The following SLC25A26 variants were observed in gnomAD, a reference collection of about 807,000 sequenced individuals.
The protein encoded by SLC25A26 is solute carrier family 25 member 26.
Under a neutral mutation model 37.8 loss-of-function variants are expected in SLC25A26, and 36 were observed. That is an observed-to-expected ratio of 0.95 (90% confidence interval 0.73 to 1.26). The LOEUF is 1.26. Ranked by LOEUF, SLC25A26 falls within the 50% of genes most tolerant of loss-of-function variation. The pLI, the probability that SLC25A26 is intolerant of heterozygous loss-of-function variation, is 0.00. For synonymous variants in SLC25A26, 129 were observed against 122.5 expected, an observed-to-expected ratio of 1.05 and a Z score of -0.35; for missense variants, 390 against 331.1, an observed-to-expected ratio of 1.18 and a Z score of -1.38.
intron 5 of SLC25A26, among the ~76,000 whole-genome samples, chr3:66,328,954 T>G (rs531929337): frequency 6.7e-4 from 102 of 152,326 alleles, no homozygotes; most frequent in Non-Finnish European, 9.4e-4. Context: ...ATCCAAAATA[T>G]GTGCCACCTA....
intron 6 of SLC25A26, among the ~76,000 whole-genome samples, chr3:66,360,808 A>G (rs1325649825): frequency 1.3e-5 from 2 of 152,216 alleles, no homozygotes; most frequent in African/African-American, 2.4e-5. Context: ...AAAACCCCTC[A>G]ACATTAACAA....
chr3:66,158,488 T>TTG (rs2070313804), intron 1 of SLC25A26, among the ~76,000 whole-genome samples: 2 of 152,188 alleles, frequency 1.3e-5, no homozygotes, highest in Non-Finnish European at 2.9e-5. Context: ...AATTGCTGGG[T>TTG]CATACATTAA....
At chr3:66,241,883 A>G (rs1467330904) in intron 2 of SLC25A26, among the ~76,000 whole-genome samples, 2 of 151,380 alleles carry the variant, frequency 1.3e-5, no homozygotes, top group African/African-American at 2.4e-5. Flanking sequence ...CTTAGTCCCT[A>G]TTTTGAAGGG....
At chr3:66,184,585 C>CTGCGCACCTTGAGTTTACTATGTATTACA (rs2070779348) in intron 1 of SLC25A26, among the ~76,000 whole-genome samples, 1 of 128,136 alleles carries the variant, frequency 7.8e-6, no homozygotes, top group African/African-American at 2.9e-5. Flanking sequence ...TCACCTGACT[C>CTGCGCACCTTGAGTTTACTATGTATTACA]TGCTCACCTT....
intron 1 of SLC25A26, among the ~76,000 whole-genome samples, chr3:66,186,766 C>T (rs2070836549): frequency 6.6e-6 from 1 of 152,040 alleles, no homozygotes; most frequent in African/African-American, 2.4e-5. Flanking sequence ...GACCTTCACA[C>T]TGAACTGACA....
At position 66,236,484 on chromosome 3, in the gene SLC25A26, G is replaced by A. The variant is rs144534960; in HGVS notation, c.34-60G>A. The A allele has an allele frequency of 2.0e-3, 2,669 of 1,367,676 alleles. 37 individuals are homozygous for A. In the East Asian group the frequency reaches 0.029, roughly 15 times the overall value. 84.7% of individuals were successfully genotyped at this position (1,367,676 alleles called of 1,614,324 possible). A position where few individuals can be genotyped will look rare whatever the true frequency, so the allele number is the denominator to read the frequency against. On this transcript the variant is annotated intron_variant, in intron 1 of 9. Coordinates refer to ENST00000354883, the MANE Select transcript of SLC25A26 (RefSeq NM_001379210.1). ...TTCCTATCTTCGCCCCCAAGTGGCC[G>A]AGAGCTTATTTTGTTGTAACCTTTT...
At chr3:66,168,175 ATGTGTGTG>A (rs1164107532) in intron 1 of SLC25A26, among the ~76,000 whole-genome samples, 1 of 59,262 alleles carries the variant, frequency 1.7e-5, no homozygotes, top group African/African-American at 1.1e-4. Context: ...ATATATATAT[ATGTGTGTG>A]TGTATATATA....
intron 7 of SLC25A26, among the ~76,000 whole-genome samples, chr3:66,364,641 G>T (rs920981210): frequency 7.9e-5 from 12 of 152,276 alleles, no homozygotes; most frequent in African/African-American, 2.4e-4. Flanking sequence ...TGTATGGTCA[G>T]TACTCTGTAC....
chr3:66,344,265 C>G (rs758430075), intron 5 of SLC25A26, among the ~76,000 whole-genome samples: 33 of 152,216 alleles, frequency 2.2e-4, no homozygotes, highest in Middle Eastern at 6.8e-3. Flanking sequence ...GAGTTCGAGA[C>G]CAGCCTGGCT....
chr3:66,225,665 T>C (rs912809337), intron 1 of SLC25A26, among the ~76,000 whole-genome samples: 2 of 152,180 alleles, frequency 1.3e-5, no homozygotes, highest in Non-Finnish European at 2.9e-5. Context: ...GGGTTTTTCT[T>C]TTTTACCGCA....
At chr3:66,208,705 C>T (rs1447041067) in intron 1 of SLC25A26, among the ~76,000 whole-genome samples, 8 of 132,754 alleles carry the variant, frequency 6.0e-5, no homozygotes, top group Non-Finnish European at 1.1e-4. Context: ...TATATATATA[C>T]ACATTTATAT....
intron 5 of SLC25A26, among the ~76,000 whole-genome samples, chr3:66,271,026 A>G (rs557550230): frequency 6.6e-6 from 1 of 152,294 alleles, no homozygotes; most frequent in East Asian, 1.9e-4. Context: ...TATGGGATGT[A>G]AATGCAATAA....
chr3:66,354,182 G>A (rs952134092), intron 6 of SLC25A26, among the ~76,000 whole-genome samples: 1 of 149,716 alleles, frequency 6.7e-6, no homozygotes, highest in Non-Finnish European at 1.5e-5. Context: ...TATTTTCTTA[G>A]TGTGAGACAT....
intron 1 of SLC25A26, among the ~76,000 whole-genome samples, chr3:66,158,961 A>T (rs924907062): frequency 6.6e-6 from 1 of 152,074 alleles, no homozygotes; most frequent in Non-Finnish European, 1.5e-5. Flanking sequence ...GTGGGACAGC[A>T]TGCAGGGGGA....
chr3:66,194,758 C>A (rs1310020799), intron 1 of SLC25A26, among the ~76,000 whole-genome samples: 3 of 152,212 alleles, frequency 2.0e-5, no homozygotes, highest in African/African-American at 7.2e-5. Context: ...TGCGCCACCA[C>A]GCCCAGCTAA....
chr3:66,352,258 T>G (rs183420537), intron 6 of SLC25A26, among the ~76,000 whole-genome samples: 1 of 152,086 alleles, frequency 6.6e-6, no homozygotes, highest in Admixed American at 6.5e-5. Flanking sequence ...CTAAAACCTG[T>G]CAGTGGCATC....
intron 5 of SLC25A26, among the ~76,000 whole-genome samples, chr3:66,319,157 T>G (rs895508846): frequency 6.6e-6 from 1 of 152,202 alleles, no homozygotes; most frequent in Non-Finnish European, 1.5e-5. Flanking sequence ...GGTTAGAGTT[T>G]GTAGAACCAA....
intron 3 of SLC25A26, among the ~76,000 whole-genome samples, chr3:66,255,532 C>A (rs906576258): frequency 7.1e-6 from 1 of 140,652 alleles, no homozygotes; most frequent in Non-Finnish European, 1.5e-5. Flanking sequence ...CTTAGTAGTT[C>A]TTGTTTTTAG....
intron 5 of SLC25A26, among the ~76,000 whole-genome samples, chr3:66,290,300 G>A (rs889015957): frequency 2.6e-5 from 4 of 151,924 alleles, no homozygotes; most frequent in African/African-American, 7.3e-5. Flanking sequence ...TTTGAATACC[G>A]TTTATTTGTT....
Sources: gnomAD v4.1 joint callset for allele counts (sites outside exome capture counted in the v4.1 genomes callset) on GRCh38, gnomAD v4.1.1 for gene constraint, MANE v1.5 for transcripts, NCBI Gene and HGNC (gene_info 2026-07-23, HGNC 2026-07-21) for gene names.